Variants in GALNT13 observed in about 807,000 individuals in gnomAD.
The protein encoded by GALNT13 is UDP-GalNAc:polypeptide N-acetylgalactosaminyltransferase 13.
A neutral mutation model predicts 64.2 loss-of-function variants in GALNT13; 28 were observed. The ratio of observed to expected loss-of-function variants is 0.44; its 90% CI spans 0.32 to 0.60. The LOEUF (loss-of-function observed/expected upper bound fraction) is 0.60, where lower values mean the gene tolerates loss of function less well. Ranked by LOEUF, GALNT13 falls within the 20% of genes least tolerant of loss-of-function variation. GALNT13 has a pLI of 0.05. For missense variants in GALNT13, 577 were observed against 669.8 expected (o/e 0.86, Z 1.53); for synonymous variants, 214 against 224.6 (o/e 0.95, Z 0.42).
At chr2:153,194,836 G>A in the GALNT13 span, among the ~76,000 whole-genome samples, 2 of 152,144 alleles carry the variant, frequency 1.3e-5, no homozygotes, top group African/African-American at 4.8e-5. Flanking sequence ...TGATTACTTT[G>A]GCTGTAAACA....
At chr2:153,988,198 G>T (rs1040999986) in intron 3 of GALNT13, among the ~76,000 whole-genome samples, 9 of 151,492 alleles carry the variant, frequency 5.9e-5, no homozygotes, top group Admixed American at 6.6e-5. Context: ...TTACTCACCT[G>T]GTTATCTTGC....
chr2:153,604,403 T>G, the GALNT13 span, among the ~76,000 whole-genome samples: 1 of 152,058 alleles, frequency 6.6e-6, no homozygotes, highest in African/African-American at 2.4e-5. Flanking sequence ...TAGCTCTTTC[T>G]GTTGTCTAGA....
the GALNT13 span, among the ~76,000 whole-genome samples, chr2:153,626,362 T>A: frequency 6.6e-6 from 1 of 152,232 alleles, no homozygotes; most frequent in East Asian, 1.9e-4. Context: ...AAAGGAGAGA[T>A]GAATACAAAT....
chr2:153,172,297 C>A, the GALNT13 span, among the ~76,000 whole-genome samples: 1 of 152,070 alleles, frequency 6.6e-6, no homozygotes, highest in Non-Finnish European at 1.5e-5. Flanking sequence ...AAGCCACCTT[C>A]GTTTTTCATA....
chr2:153,600,590 A>C, the GALNT13 span, among the ~76,000 whole-genome samples: 6 of 151,958 alleles, frequency 3.9e-5, no homozygotes, highest in East Asian at 7.7e-4. Flanking sequence ...CTTCGTTTCT[A>C]TGAGATCCTA....
chr2:153,129,501 G>A, the GALNT13 span, among the ~76,000 whole-genome samples: 25 of 152,130 alleles, frequency 1.6e-4, no homozygotes, highest in Non-Finnish European at 2.2e-4. Flanking sequence ...TAGGCTGGGC[G>A]CAGTGGCTTA....
the GALNT13 span, among the ~76,000 whole-genome samples, chr2:153,377,172 G>C: frequency 6.6e-6 from 1 of 152,170 alleles, no homozygotes; most frequent in Non-Finnish European, 1.5e-5. Flanking sequence ...AGTATGGGGA[G>C]AGGCAGCAAG....
chr2:154,380,731 A>G (rs1435284143), intron 9 of GALNT13, among the ~76,000 whole-genome samples: 1 of 152,030 alleles, frequency 6.6e-6, no homozygotes, highest in African/African-American at 2.4e-5. Flanking sequence ...ATTTCTCAAG[A>G]GTCTAGGGAT....
chr2:153,573,157 T>C, the GALNT13 span, among the ~76,000 whole-genome samples: 5 of 152,146 alleles, frequency 3.3e-5, no homozygotes, highest in East Asian at 7.7e-4. Flanking sequence ...GATTGTTATA[T>C]CCTCTTGCTG....
At chr2:153,434,429 A>G in the GALNT13 span, among the ~76,000 whole-genome samples, 1 of 152,210 alleles carries the variant, frequency 6.6e-6, no homozygotes, top group African/African-American at 2.4e-5. Context: ...TGGTTGAACT[A>G]GTTTACAGTC....
intron 3 of GALNT13, among the ~76,000 whole-genome samples, chr2:153,996,411 C>G (rs147646577): frequency 6.6e-6 from 1 of 151,928 alleles, no homozygotes; most frequent in Non-Finnish European, 1.5e-5. Context: ...TTTTTATTTG[C>G]ATTTCTTTTG....
the GALNT13 span, among the ~76,000 whole-genome samples, chr2:153,674,485 AC>A: frequency 6.6e-6 from 1 of 152,184 alleles, no homozygotes; most frequent in Non-Finnish European, 1.5e-5. Context: ...TGCTGGGAAA[AC>A]TGGCTAGCCA....
the GALNT13 span, among the ~76,000 whole-genome samples, chr2:153,677,173 C>T: frequency 6.6e-6 from 1 of 151,908 alleles, no homozygotes; most frequent in Non-Finnish European, 1.5e-5. Context: ...AACTACTTCA[C>T]CAAAGTTTCA....
the GALNT13 span, among the ~76,000 whole-genome samples, chr2:153,829,777 A>T: frequency 6.6e-6 from 1 of 152,216 alleles, no homozygotes; most frequent in Admixed American, 6.5e-5. Flanking sequence ...TTCAAAATTA[A>T]TATTTTGCAA....
the GALNT13 span, among the ~76,000 whole-genome samples, chr2:153,280,766 C>G: frequency 6.6e-6 from 1 of 152,158 alleles, no homozygotes; most frequent in Non-Finnish European, 1.5e-5. Context: ...GTTATTGAGG[C>G]TTGCTTTATA....
chr2:153,083,203 C>A, the GALNT13 span, among the ~76,000 whole-genome samples: 6 of 152,134 alleles, frequency 3.9e-5, no homozygotes, highest in Non-Finnish European at 5.9e-5. Context: ...ATAATAACTT[C>A]TTTTCTTATG....
the GALNT13 span, among the ~76,000 whole-genome samples, chr2:153,769,208 G>C: frequency 2.0e-5 from 3 of 151,940 alleles, no homozygotes; most frequent in Admixed American, 6.6e-5. Flanking sequence ...TTGTACTTAA[G>C]TGTTATTTTA....
At chr2:153,590,436 A>G in the GALNT13 span, among the ~76,000 whole-genome samples, 1 of 150,508 alleles carries the variant, frequency 6.6e-6, no homozygotes, top group African/African-American at 2.5e-5. Flanking sequence ...TCCTCTTGAG[A>G]CTGCTCCAAG....
chr2:154,118,637 T>G (rs2105510461), intron 3 of GALNT13, among the ~76,000 whole-genome samples: 1 of 152,106 alleles, frequency 6.6e-6, no homozygotes, highest in South Asian at 2.1e-4. Flanking sequence ...CTGTAGTGGT[T>G]CATGCTTTAA....
Sources: gnomAD v4.1 joint callset for allele counts (sites outside exome capture counted in the v4.1 genomes callset) on GRCh38, gnomAD v4.1.1 for gene constraint, MANE v1.5 for transcripts, NCBI Gene and HGNC (gene_info 2026-07-23, HGNC 2026-07-21) for gene names.